Variants in SLC30A7 observed in about 807,000 individuals in gnomAD.
SLC30A7 encodes solute carrier family 30 member 7.
In SLC30A7, 35 loss-of-function variants were observed where a neutral mutation model predicts 46.0. That is an observed-to-expected ratio of 0.76 (90% CI 0.58 to 1.01). The LOEUF is 1.01. SLC30A7 is among the 50% of genes least tolerant of loss of function. The probability of loss-of-function intolerance (pLI) is 0.00; values close to 1 mark genes in which losing one functional copy is unlikely to be tolerated. For synonymous variants in SLC30A7, 147 were observed against 157.8 expected, an observed-to-expected ratio of 0.93 and a Z score of 0.51; for missense variants, 464 against 451.1, an observed-to-expected ratio of 1.03 and a Z score of -0.26.
At chr1:100,913,134 A>G (rs1381071256) in intron 5 of SLC30A7, among the ~76,000 whole-genome samples, 1 of 152,070 alleles carries the variant, frequency 6.6e-6, no homozygotes, top group Non-Finnish European at 1.5e-5. Context: ...ATTCTTTTGC[A>G]TTTAGCTTTT....
intron 8 of SLC30A7, among the ~76,000 whole-genome samples, chr1:100,928,253 A>G (rs61780290): frequency 0.14 from 21,836 of 152,070 alleles, 1,622 homozygotes; most frequent in Non-Finnish European, 0.17. Flanking sequence ...TGTGATAAAT[A>G]GTGGTAGTGA....
At chr1:100,918,265 G>T in intron 7 of SLC30A7, 138 bp downstream of exon 7, 2 of 618,416 alleles carry the variant, frequency 3.2e-6, no homozygotes, top group South Asian at 2.4e-5. Flanking sequence ...TCTAGTGATT[G>T]TTTTTTATAT....
rs1248722673 is a variant in SLC30A7 at position 100,896,117 on chromosome 1, T to C, written c.-146T>C. The C allele has an allele frequency of 1.3e-5, 9 of 692,480 alleles. No individual in the cohort carries two copies. Among genetic ancestry groups the C allele is most frequent in the Admixed American group, 1.1e-4 (5 of 46,102 alleles). The allele number at this position is 692,480 out of a possible 1,614,324, so 42.9% of individuals were successfully genotyped here. ...AAGTAAGCGAATTCCCGGGTGTGTGTCTGTGTCTGTCTGTGTCTCGCAGCG... is the reference window on the plus strand; with the variant it reads ...AAGTAAGCGAATTCCCGGGTGTGTGCCTGTGTCTGTCTGTGTCTCGCAGCG... On this transcript the variant is annotated 5_prime_UTR_variant, in exon 1 of 11. Coordinates refer to ENST00000357650, the MANE Select transcript of SLC30A7 (RefSeq NM_133496.5).
the SLC30A7 span, among the ~76,000 whole-genome samples, chr1:100,988,680 TAC>T: frequency 3.3e-5 from 5 of 150,868 alleles, no homozygotes; most frequent in Non-Finnish European, 4.4e-5. Flanking sequence ...ACCCCATCTC[TAC>T]ACACACACAC....
intron 8 of SLC30A7, among the ~76,000 whole-genome samples, chr1:100,942,418 A>G (rs1654401700): frequency 6.6e-6 from 1 of 152,166 alleles, no homozygotes; most frequent in African/African-American, 2.4e-5. Flanking sequence ...AAAGAACACA[A>G]ATGGCCATCT....
intron 6 of SLC30A7, among the ~76,000 whole-genome samples, chr1:100,914,259 T>C (rs1041979984): frequency 1.3e-5 from 2 of 152,218 alleles, no homozygotes; most frequent in Non-Finnish European, 2.9e-5. Flanking sequence ...AAATTGACAA[T>C]AGTCACTCTG....
At chr1:100,964,265 T>TGTTATATAACCTATAACCTATATAA (rs59702990) in intron 9 of SLC30A7, among the ~76,000 whole-genome samples, 1 of 139,430 alleles carries the variant, frequency 7.2e-6, no homozygotes, top group African/African-American at 2.9e-5. Flanking sequence ...ACACAATATA[T>TGTTATATAACCTATAACCTATATAA]GTTATATAAC....
At position 100,954,773 on chromosome 1, in the gene SLC30A7, A is replaced by T. The variant is rs115783043; in HGVS notation, c.843-7055A>T. Among the ~76,000 whole-genome samples the T allele has an allele frequency of 4.5e-3, 684 of 152,244 alleles. 4 individuals carry two copies. Among genetic ancestry groups the T allele is most frequent in the African/African-American group, 0.016 (659 of 41,588 alleles). ...AGAAGGCTTATGAAATTCTGGATTA[A>T]TAGGTAATTATCCATCACTATGAAT... On this transcript the variant is annotated intron_variant, in intron 8 of 10. Coordinates refer to ENST00000357650, the MANE Select transcript of SLC30A7 (RefSeq NM_133496.5).
At chr1:100,928,277 C>T (rs1181212309) in intron 8 of SLC30A7, among the ~76,000 whole-genome samples, 1 of 152,058 alleles carries the variant, frequency 6.6e-6, no homozygotes, top group African/African-American at 2.4e-5. Flanking sequence ...GCAAGAAGGA[C>T]ATCTGCCTCA....
At chr1:100,968,124 AG>A (rs890559034) in intron 10 of SLC30A7, among the ~76,000 whole-genome samples, 152 of 152,324 alleles carry the variant, frequency 1.0e-3, no homozygotes, top group African/African-American at 3.5e-3. Context: ...ATATAGCTGA[AG>A]GGTTCACAGG....
chr1:100,991,293 C>T, the SLC30A7 span, among the ~76,000 whole-genome samples: 1 of 152,152 alleles, frequency 6.6e-6, no homozygotes, highest in African/African-American at 2.4e-5. Context: ...AAAGAGCTGA[C>T]CCTTTAATGG....
intron 8 of SLC30A7, among the ~76,000 whole-genome samples, chr1:100,938,967 C>G (rs1654152270): frequency 6.6e-6 from 1 of 152,192 alleles, no homozygotes; most frequent in South Asian, 2.1e-4. Context: ...CCCCCACTCC[C>G]TCCTCTCTCT....
chr1:100,913,682 C>T lies in SLC30A7; in HGVS notation c.531C>T (p.Ser177=). ...SHGSGHGHSH[S]LFNGALDQAH... The stretch of plus-strand genomic sequence containing the variant: ...TTCTAGGCCACGGACACAGTCATTC[C>T]CTCTTTAATGGTGCTCTAGATCAGG... Residue 177 remains serine (S), a synonymous_variant, in exon 6 of 11, where the codon TCC becomes TCT. Coordinates refer to ENST00000357650, the MANE Select transcript of SLC30A7 (RefSeq NM_133496.5). 1 of 1,613,772 alleles carries T rather than the reference C, an allele frequency of 6.2e-7. No individual in the cohort carries two copies. Among genetic ancestry groups the T allele is most frequent in the East Asian group, 2.2e-5 (1 of 44,876 alleles).
rs116714350 is a variant in SLC30A7 at position 100,933,573 on chromosome 1, C to G, written c.842+11732C>G. 7.2e-4 allele frequency among the ~76,000 whole-genome samples: 110 copies of G among 152,228 alleles called. 1 individual carries two copies. The highest frequency in any genetic ancestry group is 1.3e-3 in the Non-Finnish European group (89 of 68,022). On this transcript the variant is annotated intron_variant, in intron 8 of 10. Transcript: ENST00000357650. Reference sequence around the variant, plus strand: ...TAATGCTATCCCTCCCCACTCCCCCCACTCTACTACAGGCCCCAGTGTGTG... The same window carrying G: ...TAATGCTATCCCTCCCCACTCCCCCGACTCTACTACAGGCCCCAGTGTGTG...
intron 8 of SLC30A7, among the ~76,000 whole-genome samples, chr1:100,925,633 T>C (rs1653245428): frequency 6.6e-6 from 1 of 152,178 alleles, no homozygotes; most frequent in African/African-American, 2.4e-5. Flanking sequence ...GAATTAAGGA[T>C]AGTTTCTAGA....
chr1:100,965,931 T>A lies in SLC30A7; in HGVS notation c.1083+13T>A. 6.3e-7 allele frequency: 1 copy of A among 1,595,644 alleles called. No homozygotes were observed. Among genetic ancestry groups the A allele is most frequent in the Non-Finnish European group, 8.5e-7 (1 of 1,173,826 alleles). ...TATTTTTACTCAGGTATGTCTTTTT[T>A]ACTAACTTCTTTTAAGGGCCTTAAC... On this transcript the variant is annotated intron_variant, in intron 10 of 10. Transcript: ENST00000357650.
intron 2 of SLC30A7, among the ~76,000 whole-genome samples, chr1:100,899,799 A>G (rs553124022): frequency 6.6e-6 from 1 of 151,788 alleles, no homozygotes; most frequent in South Asian, 2.1e-4. Flanking sequence ...TGCAGATAAA[A>G]AGAGGTAAAA....
chr1:100,982,451 CA>C (rs1378893219), downstream of SLC30A7, among the ~76,000 whole-genome samples: 1 of 152,238 alleles, frequency 6.6e-6, no homozygotes, highest in Admixed American at 6.5e-5. Flanking sequence ...ATATCAAATT[CA>C]AAATTGAAGA....
chr1:100,918,914 A>G (rs1652765592), intron 7 of SLC30A7, among the ~76,000 whole-genome samples: 1 of 152,174 alleles, frequency 6.6e-6, no homozygotes, highest in Non-Finnish European at 1.5e-5. Context: ...CAAAATTTGA[A>G]GTATAGTTTC....
Sources: gnomAD v4.1 joint callset for allele counts (sites outside exome capture counted in the v4.1 genomes callset) on GRCh38, gnomAD v4.1.1 for gene constraint, MANE v1.5 for transcripts, NCBI Gene and HGNC (gene_info 2026-07-23, HGNC 2026-07-21) for gene names.